Variants in SBF2 observed in about 807,000 individuals in gnomAD.
The protein encoded by SBF2 is myotubularin-related protein 13.
SBF2 carries 112 observed loss-of-function variants against 225.2 expected under a neutral mutation model. The ratio of observed to expected loss-of-function variants is 0.50; its 90% CI spans 0.43 to 0.58. The LOEUF (loss-of-function observed/expected upper bound fraction) is 0.58. Among genes scored for constraint, SBF2 ranks in the 20% least tolerant of loss-of-function variants. SBF2 has a pLI of 0.00. For synonymous variants in SBF2, 763 were observed against 773.3 expected (o/e 0.99, Z 0.22); for missense variants, 1,996 against 2,206.2 (o/e 0.90, Z 1.91).
intron 32 of SBF2, among the ~76,000 whole-genome samples, chr11:9,806,726 A>C (rs751161302): frequency 4.6e-5 from 7 of 152,188 alleles, no homozygotes; most frequent in Non-Finnish European, 7.3e-5. Flanking sequence ...GCAGTAAAAA[A>C]CATAGCTTCC....
intron 3 of SBF2, among the ~76,000 whole-genome samples, chr11:10,036,562 T>A (rs900703229): frequency 3.3e-5 from 5 of 152,056 alleles, no homozygotes; most frequent in Non-Finnish European, 5.9e-5. Context: ...AATAATACAG[T>A]AGTGGAAGAT....
At chr11:10,225,975 C>G (rs1958521844) in intron 1 of SBF2, among the ~76,000 whole-genome samples, 1 of 152,068 alleles carries the variant, frequency 6.6e-6, no homozygotes, top group Non-Finnish European at 1.5e-5. Context: ...ATTTTCATTA[C>G]CAAATTTTAT....
intron 2 of SBF2, among the ~76,000 whole-genome samples, chr11:10,141,179 T>C (rs1278107055): frequency 6.6e-6 from 1 of 152,200 alleles, no homozygotes; most frequent in Non-Finnish European, 1.5e-5. Context: ...TACAGTGTCA[T>C]GTTTTGTATT....
chr11:9,944,506 C>T (rs1357690786), intron 16 of SBF2, among the ~76,000 whole-genome samples: 1 of 152,112 alleles, frequency 6.6e-6, no homozygotes, highest in East Asian at 1.9e-4. Context: ...CAAAAACACA[C>T]ATTACTACAT....
chr11:10,073,009 T>C (rs1161092779), intron 2 of SBF2, among the ~76,000 whole-genome samples: 1 of 152,090 alleles, frequency 6.6e-6, no homozygotes, highest in Admixed American at 6.5e-5. Flanking sequence ...CCGCCTGCCT[T>C]GGCATCCCAA....
chr11:10,186,351 A>G (rs2135304973), intron 2 of SBF2, among the ~76,000 whole-genome samples: 1 of 152,226 alleles, frequency 6.6e-6, no homozygotes, highest in South Asian at 2.1e-4. Context: ...CAGCCTGGGA[A>G]AGACAGACTC....
chr11:9,825,627 G>T (rs559905339), intron 28 of SBF2, among the ~76,000 whole-genome samples: 1 of 152,090 alleles, frequency 6.6e-6, no homozygotes, highest in Admixed American at 6.5e-5. Flanking sequence ...AGATGTGTAC[G>T]GTTTTCAAAA....
chr11:10,187,307 C>CCTCT (rs148358560), intron 2 of SBF2, among the ~76,000 whole-genome samples: 10 of 149,598 alleles, frequency 6.7e-5, no homozygotes, highest in African/African-American at 9.8e-5. Context: ...CTTTTTCTCT[C>CCTCT]CTCTCTCTCT....
At chr11:10,196,853 TATATA>T (rs1957377271) in intron 1 of SBF2, among the ~76,000 whole-genome samples, 8 of 22,160 alleles carry the variant, frequency 3.6e-4, no homozygotes, top group African/African-American at 6.6e-4. Context: ...TATATATATA[TATATA>T]TATATATATT....
intron 2 of SBF2, among the ~76,000 whole-genome samples, chr11:10,185,463 CT>C (rs951600460): frequency 6.6e-6 from 1 of 151,834 alleles, no homozygotes; most frequent in African/African-American, 2.4e-5. Context: ...TGTTTTGGGG[CT>C]TTTTTTAGAG....
intron 1 of SBF2, among the ~76,000 whole-genome samples, chr11:10,229,396 T>C (rs1459965055): frequency 6.6e-6 from 1 of 152,226 alleles, no homozygotes; most frequent in African/African-American, 2.4e-5. Context: ...GTTCTTTTAA[T>C]TGTGATGTTA....
intron 32 of SBF2, among the ~76,000 whole-genome samples, chr11:9,800,220 G>A (rs1271011370): frequency 6.6e-6 from 1 of 151,820 alleles, no homozygotes; most frequent in African/African-American, 2.4e-5. Context: ...CTCAGGGAAG[G>A]AGCAAGATTC....
intron 1 of SBF2, among the ~76,000 whole-genome samples, chr11:10,226,289 A>G (rs962836772): frequency 2.6e-5 from 4 of 152,146 alleles, no homozygotes; most frequent in Admixed American, 1.3e-4. Flanking sequence ...TTTAAGAAAC[A>G]AAACATGTTT....
chr11:10,261,393 G>A (rs1482571903), intron 1 of SBF2, among the ~76,000 whole-genome samples: 1 of 152,028 alleles, frequency 6.6e-6, no homozygotes, highest in Non-Finnish European at 1.5e-5. Flanking sequence ...TGTGGAGAGC[G>A]GGTTTTGCCA....
chr11:9,869,005 T>C (rs554429528), intron 17 of SBF2, among the ~76,000 whole-genome samples: 94 of 152,356 alleles, frequency 6.2e-4, no homozygotes, highest in Non-Finnish European at 1.2e-3. Context: ...CTAGCATTAC[T>C]TCCTCACTCA....
intron 1 of SBF2, among the ~76,000 whole-genome samples, chr11:10,255,269 GTA>G (rs1457808995): frequency 6.6e-6 from 1 of 152,104 alleles, no homozygotes; most frequent in Non-Finnish European, 1.5e-5. Flanking sequence ...GTAAGTTAAT[GTA>G]TATGTTATTC....
At chr11:10,196,293 C>T (rs1957351843) in intron 1 of SBF2, among the ~76,000 whole-genome samples, 1 of 152,078 alleles carries the variant, frequency 6.6e-6, no homozygotes, top group South Asian at 2.1e-4. Context: ...AATTAATGTA[C>T]TTATTCTATC....
At chr11:10,166,154 T>C (rs922675821) in intron 2 of SBF2, among the ~76,000 whole-genome samples, 31 of 152,212 alleles carry the variant, frequency 2.0e-4, no homozygotes, top group African/African-American at 6.8e-4. Context: ...TAAGGCTGAA[T>C]GAATCATAGC....
At chr11:9,959,598 T>C in intron 16 of SBF2, 1 of 765,754 alleles carries the variant, frequency 1.3e-6, no homozygotes, top group South Asian at 1.3e-5. Flanking sequence ...TGTTGGAACC[T>C]TCAAAGTACT....
Sources: gnomAD v4.1 joint callset for allele counts (sites outside exome capture counted in the v4.1 genomes callset) on GRCh38, gnomAD v4.1.1 for gene constraint, MANE v1.5 for transcripts, NCBI Gene and HGNC (gene_info 2026-07-23, HGNC 2026-07-21) for gene names.